DPP10: variants seen among roughly 807,000 people sequenced by gnomAD.
DPP10 encodes inactive dipeptidyl peptidase 10.
In DPP10, 33 loss-of-function variants were observed where a neutral mutation model predicts 120.9. The ratio of observed to expected loss-of-function variants is 0.27; its 90% CI spans 0.21 to 0.37. The LOEUF is 0.37. Among genes scored for constraint, DPP10 ranks in the 10% least tolerant of loss-of-function variants. The pLI is 1.00. For synonymous variants in DPP10, 337 were observed against 326.1 expected (o/e 1.03, Z -0.36); for missense variants, 816 against 942.8 (o/e 0.87, Z 1.76).
Position 115,668,076 on chromosome 2 carries a change from G to A in DPP10, c.442-21611G>A, listed in dbSNP as rs143718185. Among the ~76,000 whole-genome samples the A allele has an allele frequency of 3.8e-3, 572 of 152,016 alleles. 4 individuals carry two copies. Among genetic ancestry groups the A allele is most frequent in the African/African-American group, 0.013 (538 of 41,492 alleles). On this transcript the variant is annotated intron_variant, in intron 5 of 25. Transcript: ENST00000410059. ...GCATCTTTGTGTATCTTATAATTTT[G>A]GTTAGAAGCCATATATCTTCAGTAC...
chr2:114,943,577 C>T (rs1344168473), intron 1 of DPP10, among the ~76,000 whole-genome samples: 3 of 151,990 alleles, frequency 2.0e-5, no homozygotes, highest in African/African-American at 7.2e-5. Flanking sequence ...CGGCCATGTG[C>T]CACATTTTCT....
intron 7 of DPP10, among the ~76,000 whole-genome samples, chr2:115,726,640 A>G (rs1339343401): frequency 6.6e-6 from 1 of 152,166 alleles, no homozygotes; most frequent in Non-Finnish European, 1.5e-5. Context: ...GGTATAAAAA[A>G]GATCCTGTTG....
chr2:115,184,986 G>C (rs2054331933), intron 1 of DPP10, among the ~76,000 whole-genome samples: 1 of 152,172 alleles, frequency 6.6e-6, no homozygotes, highest in African/African-American at 2.4e-5. Context: ...ATTTTATATA[G>C]CTGTCCTTTG....
chr2:114,941,093 G>A (rs768481071), intron 1 of DPP10, among the ~76,000 whole-genome samples: 2 of 152,268 alleles, frequency 1.3e-5, no homozygotes, highest in East Asian at 1.9e-4. Flanking sequence ...CACTTGAGAA[G>A]GTTTAATTGT....
chr2:115,796,794 A>G (rs146293943), intron 19 of DPP10, among the ~76,000 whole-genome samples: 44 of 152,264 alleles, frequency 2.9e-4, no homozygotes, highest in African/African-American at 1.0e-3. Context: ...TAGTCCTTAT[A>G]GAAATCATCC....
chr2:115,636,193 C>T (rs559850018), intron 5 of DPP10, among the ~76,000 whole-genome samples: 83 of 150,682 alleles, frequency 5.5e-4, no homozygotes, highest in African/African-American at 1.8e-3. Context: ...GTATGCTTTG[C>T]GAGACAGCTA....
At chr2:114,472,916 C>T (rs1223184643) in intron 1 of DPP10, among the ~76,000 whole-genome samples, 1 of 152,002 alleles carries the variant, frequency 6.6e-6, no homozygotes, top group Non-Finnish European at 1.5e-5. Context: ...CTTAGCCAAT[C>T]TCCTCCCATC....
At chr2:115,735,349 T>TTAA (rs1396372107) in intron 8 of DPP10, among the ~76,000 whole-genome samples, 2 of 152,024 alleles carry the variant, frequency 1.3e-5, no homozygotes, top group African/African-American at 4.8e-5. Context: ...AATGCCCCCA[T>TTAA]TAATAATAAT....
chr2:114,648,684 G>A (rs1017753861), intron 1 of DPP10, among the ~76,000 whole-genome samples: 2 of 152,190 alleles, frequency 1.3e-5, no homozygotes, highest in African/African-American at 2.4e-5. Flanking sequence ...TGAAAGGATT[G>A]CATGATCAAT....
intron 21 of DPP10, among the ~76,000 whole-genome samples, chr2:115,831,216 T>G (rs548057723): frequency 6.6e-6 from 1 of 152,036 alleles, no homozygotes; most frequent in East Asian, 1.9e-4. Context: ...ATTACACAAG[T>G]TTAAATTCGC....
intron 12 of DPP10, among the ~76,000 whole-genome samples, chr2:115,767,792 C>T (rs910975867): frequency 6.6e-6 from 1 of 151,796 alleles, no homozygotes; most frequent in African/African-American, 2.4e-5. Flanking sequence ...CGTGGCCTGT[C>T]GTCTTTTGTA....
At chr2:115,810,556 C>T (rs1457448970) in intron 19 of DPP10, among the ~76,000 whole-genome samples, 1 of 152,084 alleles carries the variant, frequency 6.6e-6, no homozygotes, top group Admixed American at 6.5e-5. Context: ...CATACAGACA[C>T]ATTCAGTGTT....
intron 5 of DPP10, among the ~76,000 whole-genome samples, chr2:115,674,539 G>A (rs184953693): frequency 6.6e-6 from 1 of 152,204 alleles, no homozygotes; most frequent in East Asian, 1.9e-4. Context: ...TCTGATGCCT[G>A]GTCTGATTTA....
chr2:114,876,878 A>G (rs1045318719), intron 1 of DPP10, among the ~76,000 whole-genome samples: 3 of 152,110 alleles, frequency 2.0e-5, no homozygotes, highest in African/African-American at 7.2e-5. Flanking sequence ...GTTCAAAATG[A>G]AGGAAAAATA....
At chr2:115,408,537 C>T (rs759941150) in intron 3 of DPP10, among the ~76,000 whole-genome samples, 6 of 152,032 alleles carry the variant, frequency 3.9e-5, no homozygotes, top group African/African-American at 1.4e-4. Flanking sequence ...TTCAGGCATA[C>T]GTGTAACACT....
At chr2:115,054,697 G>C (rs947785723) in intron 1 of DPP10, among the ~76,000 whole-genome samples, 4 of 152,182 alleles carry the variant, frequency 2.6e-5, no homozygotes, top group African/African-American at 4.8e-5. Context: ...TGGATCATGA[G>C]GTCAGGAGTT....
intron 3 of DPP10, among the ~76,000 whole-genome samples, chr2:115,467,646 G>T (rs992843870): frequency 2.0e-5 from 3 of 152,076 alleles, no homozygotes; most frequent in Non-Finnish European, 4.4e-5. Flanking sequence ...CTGTGAGGTT[G>T]ATTTAACTGC....
At chr2:114,770,834 A>T (rs1574148008) in intron 1 of DPP10, among the ~76,000 whole-genome samples, 1 of 152,294 alleles carries the variant, frequency 6.6e-6, no homozygotes, top group African/African-American at 2.4e-5. Context: ...AATAATCAGG[A>T]TTCCAGGAAC....
intron 1 of DPP10, among the ~76,000 whole-genome samples, chr2:115,116,542 C>T (rs958093682): frequency 2.6e-5 from 4 of 151,990 alleles, no homozygotes; most frequent in African/African-American, 9.7e-5. Context: ...CCAAGACTAC[C>T]TTTTGTTAGT....
Sources: allele counts gnomAD v4.1 joint callset (sites outside exome capture counted in the v4.1 genomes callset), GRCh38; gene constraint gnomAD v4.1.1; transcripts MANE v1.5; gene names NCBI Gene and HGNC (gene_info 2026-07-23, HGNC 2026-07-21).